UNC13B: variants seen among roughly 807,000 people sequenced by gnomAD.
UNC13B encodes protein unc-13 homolog B.
UNC13B carries 144 observed loss-of-function variants against 211.0 expected under a neutral mutation model. The ratio of observed to expected loss-of-function variants is 0.68; its 90% CI spans 0.60 to 0.78. The LOEUF (loss-of-function observed/expected upper bound fraction) is 0.78. Ranked by LOEUF, UNC13B falls within the 30% of genes least tolerant of loss-of-function variation. The probability of loss-of-function intolerance (pLI) is 0.00; values close to 1 mark genes in which losing one functional copy is unlikely to be tolerated. For missense variants in UNC13B, 1,777 were observed against 2,002.0 expected (o/e 0.89, Z 2.14); for synonymous variants, 709 against 725.8 (o/e 0.98, Z 0.37).
chr9:35,400,259 G>C (rs1468182023), intron 36 of UNC13B, 37 bp from the exon 37 acceptor site: 1 of 1,606,844 alleles, frequency 6.2e-7, no homozygotes, highest in Non-Finnish European at 8.5e-7. Context: ...TTTCTGTAAG[G>C]GGATGAAGCA....
chr9:35,380,425 G>T, intron 17 of UNC13B, 45 bp from the exon 18 acceptor site: 2 of 1,591,952 alleles, frequency 1.3e-6, no homozygotes, highest in Non-Finnish European at 1.7e-6. Context: ...AGGATTTGGC[G>T]CTACTGGGTC....
chr9:35,180,978 C>T (rs924009246), intron 1 of UNC13B, among the ~76,000 whole-genome samples: 5 of 151,758 alleles, frequency 3.3e-5, no homozygotes, highest in Non-Finnish European at 7.4e-5. Context: ...CCTGTAGTCC[C>T]AGGTACTCAG....
intron 6 of UNC13B, among the ~76,000 whole-genome samples, chr9:35,249,847 C>G (rs1214911060): frequency 2.0e-5 from 3 of 152,178 alleles, no homozygotes; most frequent in African/African-American, 7.2e-5. Context: ...AGTTGCTCTT[C>G]TCGAGGAGTA....
intron 11 of UNC13B, among the ~76,000 whole-genome samples, chr9:35,322,430 T>G (rs1830784515): frequency 6.6e-6 from 1 of 151,984 alleles, no homozygotes; most frequent in South Asian, 2.1e-4. Context: ...ACAGGAGCTC[T>G]TGGGTTGTTG....
At chr9:35,200,654 A>G (rs899251253) in intron 1 of UNC13B, among the ~76,000 whole-genome samples, 1 of 152,162 alleles carries the variant, frequency 6.6e-6, no homozygotes, top group African/African-American at 2.4e-5. Context: ...ATTGGTGTAT[A>G]GGAATGCTTG....
intron 7 of UNC13B, among the ~76,000 whole-genome samples, chr9:35,270,345 G>A (rs1005225156): frequency 2.0e-5 from 3 of 149,692 alleles, no homozygotes; most frequent in Admixed American, 6.7e-5. Context: ...ATATATGTGT[G>A]TGTGTGTGTG....
At chr9:35,224,127 A>T (rs534590129) in intron 1 of UNC13B, among the ~76,000 whole-genome samples, 23 of 152,246 alleles carry the variant, frequency 1.5e-4, no homozygotes, top group African/African-American at 5.5e-4. Context: ...TGCTTTGACT[A>T]TCCAGGGTCT....
intron 1 of UNC13B, among the ~76,000 whole-genome samples, chr9:35,168,992 A>G (rs1471322489): frequency 1.3e-5 from 2 of 152,142 alleles, no homozygotes; most frequent in Non-Finnish European, 2.9e-5. Context: ...AAAACAGAAC[A>G]AAACAATGTC....
At chr9:35,294,396 C>T (rs1033855139) in intron 7 of UNC13B, among the ~76,000 whole-genome samples, 4 of 152,060 alleles carry the variant, frequency 2.6e-5, no homozygotes, top group Admixed American at 2.0e-4. Flanking sequence ...AACTTCCACC[C>T]TCTGGGTTCA....
At chr9:35,396,453 C>G in intron 26 of UNC13B, 23 bp from the exon 27 acceptor site, 1 of 1,613,754 alleles carries the variant, frequency 6.2e-7, no homozygotes. Context: ...GGGACCTGAC[C>G]CAACCTTTCT....
At chr9:35,249,472 A>T (rs1362270744) in intron 6 of UNC13B, among the ~76,000 whole-genome samples, 2 of 152,108 alleles carry the variant, frequency 1.3e-5, no homozygotes, top group African/African-American at 4.8e-5. Flanking sequence ...ACAATTTAGC[A>T]TGTTTTTGCA....
intron 7 of UNC13B, among the ~76,000 whole-genome samples, chr9:35,277,759 A>G (rs1427284909): frequency 1.3e-5 from 2 of 152,118 alleles, no homozygotes; most frequent in Non-Finnish European, 2.9e-5. Context: ...AGGTAAATAT[A>G]CAAAGACAGC....
rs1587681277 is a variant in UNC13B, at chr9:35,353,041, A to C, written c.9415-13906A>C. On this transcript the variant is annotated intron_variant, in intron 11 of 39. Transcript: ENST00000635942. ...GGCTCGATATTCTGAGCTCAAAGGA[A>C]CTAGAGGACCTTTTGGCAGACAAGT... is the stretch of plus-strand genomic sequence containing the variant. 41 of 1,232,200 alleles carry C rather than the reference A, an allele frequency of 3.3e-5. No individual in the cohort carries two copies. In the East Asian group the frequency reaches 1.3e-3, roughly 39 times the overall value. The allele number at this position is 1,232,200 out of a possible 1,614,324, so 76.3% of individuals were successfully genotyped here.
At chr9:35,270,414 G>A (rs928102858) in intron 7 of UNC13B, among the ~76,000 whole-genome samples, 1 of 151,838 alleles carries the variant, frequency 6.6e-6, no homozygotes, top group Non-Finnish European at 1.5e-5. Flanking sequence ...ATACACACAT[G>A]TGTATATACA....
intron 7 of UNC13B, among the ~76,000 whole-genome samples, chr9:35,284,076 A>G (rs1011377451): frequency 1.3e-5 from 2 of 152,162 alleles, no homozygotes; most frequent in African/African-American, 2.4e-5. Flanking sequence ...CCTGGCCAAC[A>G]TGGTGAAATC....
At chr9:35,366,483 A>G (rs1040759012) in intron 11 of UNC13B, among the ~76,000 whole-genome samples, 3 of 152,170 alleles carry the variant, frequency 2.0e-5, no homozygotes, top group Non-Finnish European at 2.9e-5. Context: ...TCCAACCACA[A>G]AATGAGATAG....
chr9:35,283,507 C>A (rs990297527), intron 7 of UNC13B, among the ~76,000 whole-genome samples: 2 of 152,086 alleles, frequency 1.3e-5, no homozygotes, highest in Non-Finnish European at 2.9e-5. Context: ...CACCTCTTCA[C>A]CCCCTCTCCT....
At chr9:35,298,573 G>A (rs1829511852) in intron 8 of UNC13B, among the ~76,000 whole-genome samples, 1 of 152,152 alleles carries the variant, frequency 6.6e-6, no homozygotes, top group African/African-American at 2.4e-5. Context: ...TCCTGCCTTG[G>A]CCTCCGAAAG....
chr9:35,230,703 A>G (rs975424819), intron 2 of UNC13B, among the ~76,000 whole-genome samples: 1 of 151,962 alleles, frequency 6.6e-6, no homozygotes, highest in Non-Finnish European at 1.5e-5. Flanking sequence ...TAGGTCAATT[A>G]GATTTGGATT....
Sources: allele counts gnomAD v4.1 joint callset (sites outside exome capture counted in the v4.1 genomes callset), GRCh38; gene constraint gnomAD v4.1.1; transcripts MANE v1.5; gene names NCBI Gene and HGNC (gene_info 2026-07-23, HGNC 2026-07-21).